Variants in HMCN2 observed in about 807,000 individuals in gnomAD.
HMCN2 encodes hemicentin-2.
HMCN2 carries 325 observed loss-of-function variants against 377.5 expected under a neutral mutation model. That is an observed-to-expected ratio of 0.86 (90% CI 0.79 to 0.94). The LOEUF (loss-of-function observed/expected upper bound fraction) is 0.94, where lower values mean the gene tolerates loss of function less well. HMCN2 is among the 40% of genes least tolerant of loss of function. The pLI is 0.00. For synonymous variants in HMCN2, 2,007 were observed against 2,046.8 expected (o/e 0.98, Z 0.53); for missense variants, 4,543 against 4,725.3 (o/e 0.96, Z 1.13).
intron 66 of HMCN2, among the ~76,000 whole-genome samples, chr9:130,392,791 TCA>T (rs1842391784): frequency 6.6e-6 from 1 of 151,990 alleles, no homozygotes; most frequent in Non-Finnish European, 1.5e-5. Flanking sequence ...GGTCAGGAGA[TCA>T]AGACCATCCT....
chr9:130,302,924 C>T lies in HMCN2; in HGVS notation c.1344C>T (p.Cys448=), dbSNP rs1554935058. The T allele has an allele frequency of 2.1e-6, 1 of 471,008 alleles. No homozygotes were observed. The highest frequency in any genetic ancestry group is 4.4e-6 in the Non-Finnish European group (1 of 226,914). 29.2% of individuals were successfully genotyped at this position (471,008 alleles called of 1,614,324 possible). Residue 448 remains cysteine (C), a synonymous_variant, in exon 9 of 98, where the codon TGC becomes TGT. Transcript: ENST00000683500. Reference sequence around the variant, plus strand: ...TGCACCAGCCCCTGCTGGTCTCCTGCTCGGTGCACAGTGCCCTTCCCTTCC... The same window carrying T: ...TGCACCAGCCCCTGCTGGTCTCCTGTTCGGTGCACAGTGCCCTTCCCTTCC... ...GYLHQPLLVS[C]SVHSALPFRL... is the part of the protein sequence containing the mutation.
chr9:130,327,580 C>T (rs1838208932), intron 22 of HMCN2, 105 bp downstream of exon 22: 1 of 152,188 alleles, frequency 6.6e-6, no homozygotes, highest in Non-Finnish European at 1.5e-5. Context: ...GCAGTCTCTC[C>T]CATAGGGTGC....
chr9:130,422,461 G>C lies in HMCN2; in HGVS notation c.13232-116G>C, dbSNP rs1434576744. On this transcript the variant is annotated intron_variant, in intron 86 of 97. Coordinates refer to ENST00000683500, the MANE Select transcript of HMCN2 (RefSeq NM_001291815.2). The surrounding 1 kb of genome is among the most constrained non-coding windows in gnomAD (Gnocchi z 4.2). ...AGCTGTGTGTCCTTGGACAAGTGGAGGTGAACTCTCCGAGCCTCCATTTAC... is the reference window on the plus strand; with the variant it reads ...AGCTGTGTGTCCTTGGACAAGTGGACGTGAACTCTCCGAGCCTCCATTTAC... 1.4e-5 allele frequency: 10 copies of C among 735,110 alleles called. No individual in the cohort carries two copies. The highest frequency in any genetic ancestry group is 1.9e-5 in the Non-Finnish European group (10 of 528,606). The allele number at this position is 735,110 out of a possible 1,614,324, so 45.5% of individuals were successfully genotyped here. A position where few individuals can be genotyped will look rare whatever the true frequency, so the allele number is the denominator to read the frequency against.
chr9:130,299,511 C>G (rs1447928564), intron 8 of HMCN2, among the ~76,000 whole-genome samples: 1 of 147,462 alleles, frequency 6.8e-6, no homozygotes, highest in Non-Finnish European at 1.5e-5. Flanking sequence ...AGTCAACTAT[C>G]CATTCATCCA....
chr9:130,306,905 A>G lies in HMCN2; in HGVS notation c.2053A>G (p.Thr685Ala), dbSNP rs1588212875. The change falls in exon 13 of 98, where the codon ACT becomes GCT. Residue 685 changes from threonine (T) to alanine (A), a missense_variant. Physicochemically the swap from Thr to Ala is moderately conservative, Grantham distance 58 (BLOSUM62 0). Coordinates refer to ENST00000683500, the MANE Select transcript of HMCN2 (RefSeq NM_001291815.2). ...YSCQATNEVG[T>A]DQETVTLYYT... ...CTGCCAGGCGACTAATGAGGTTGGCACTGACCAGGAGACGGTCACCCTCTA... is the reference window on the plus strand; with the variant it reads ...CTGCCAGGCGACTAATGAGGTTGGCGCTGACCAGGAGACGGTCACCCTCTA... 2.1e-6 allele frequency: 1 copy of G among 470,936 alleles called. No homozygotes were observed. Among genetic ancestry groups the G allele is most frequent in the Non-Finnish European group, 4.4e-6 (1 of 226,956 alleles). 29.2% of individuals were successfully genotyped at this position (470,936 alleles called of 1,614,324 possible). A position where few individuals can be genotyped will look rare whatever the true frequency, so the allele number is the denominator to read the frequency against.
Position 130,265,940 on chromosome 9 carries a change from C to T in HMCN2, c.62C>T (p.Ala21Val). Residue 21 changes from alanine (A) to valine (V), a missense_variant, in exon 1 of 98, where the codon GCA (alanine) becomes GTA (valine). Ala to Val is a moderately conservative substitution (Grantham distance 64). Transcript: ENST00000683500. ...LTAVSAAVAV[A>V]VAGAPGTVMP... ...GCGGTCTCTGCGGCAGTGGCAGTGG[C>T]AGTGGCCGGGGCGCCCGGGACGGTA... is the stretch of plus-strand genomic sequence containing the variant. 1 of 441,698 alleles carries T rather than the reference C, an allele frequency of 2.3e-6. No individual in the cohort carries two copies. The highest frequency in any genetic ancestry group is 4.7e-6 in the Non-Finnish European group (1 of 214,608). The allele number at this position is 441,698 out of a possible 1,614,324, so 27.4% of individuals were successfully genotyped here. A position where few individuals can be genotyped will look rare whatever the true frequency, so the allele number is the denominator to read the frequency against.
chr9:130,277,868 T>C (rs1464562877), intron 1 of HMCN2, among the ~76,000 whole-genome samples: 2 of 20,940 alleles, frequency 9.6e-5, no homozygotes, highest in African/African-American at 2.2e-4. Flanking sequence ...ACCATCATCA[T>C]CATCACCACC....
Position 130,430,546 on chromosome 9 carries a change from C to T in HMCN2, c.14589C>T (p.Ser4863=), listed in dbSNP as rs1319229519. ...VSLRPGPMAL[S]SVGRAWCPPG... ...TCCGTCCGGGTCCCATGGCCCTGAGCAGTGTGGGCCGGGCCTGGTGCCCTC... is the reference window on the plus strand; with the variant it reads ...TCCGTCCGGGTCCCATGGCCCTGAGTAGTGTGGGCCGGGCCTGGTGCCCTC... The change falls in exon 95 of 98, where the codon AGC becomes AGT. Residue 4863 remains serine (S), a synonymous_variant. Transcript: ENST00000683500. The T allele has an allele frequency of 7.7e-6, 12 of 1,550,438 alleles. No individual in the cohort carries two copies. In the Admixed American group the frequency reaches 1.2e-4, roughly 15 times the overall value.
intron 25 of HMCN2, among the ~76,000 whole-genome samples, chr9:130,345,791 T>C (rs1839362978): frequency 6.6e-6 from 1 of 151,854 alleles, no homozygotes; most frequent in Non-Finnish European, 1.5e-5. Flanking sequence ...TGGGTGGACA[T>C]GGAGCAGGGC....
intron 85 of HMCN2, among the ~76,000 whole-genome samples, chr9:130,411,266 C>T (rs1207510262): frequency 1.3e-5 from 2 of 151,162 alleles, no homozygotes; most frequent in Non-Finnish European, 2.9e-5. Context: ...CCATAAAATT[C>T]ACCCGTTCAT....
At chr9:130,316,601 A>T (rs1201083068) in intron 15 of HMCN2, among the ~76,000 whole-genome samples, 1 of 152,142 alleles carries the variant, frequency 6.6e-6, no homozygotes, top group African/African-American at 2.4e-5. Context: ...AGCTGACAAG[A>T]GGCTCCTCCA....
Position 130,369,657 on chromosome 9 carries a change from C to T in HMCN2, c.6875C>T (p.Thr2292Ile). 1.0e-6 allele frequency: 1 copy of T among 985,936 alleles called. No homozygotes were observed. 61.1% of individuals were successfully genotyped at this position (985,936 alleles called of 1,614,324 possible). The change falls in exon 45 of 98, where the codon ACA (threonine) becomes ATA (isoleucine). Residue 2292 changes from threonine (T) to isoleucine (I), a missense_variant. Transcript: ENST00000683500. The surrounding 1 kb of genome is among the most constrained non-coding windows in gnomAD (Gnocchi z 4.5). Reference sequence around the variant, plus strand: ...GTGGCCACTCTGGAGTGCAACGCCACAGGGAAACCCCCTCCGACAGTGACA... The same window carrying T: ...GTGGCCACTCTGGAGTGCAACGCCATAGGGAAACCCCCTCCGACAGTGACA... ...DGVATLECNA[T>I]GKPPPTVTWE...
chr9:130,411,944 A>T lies in HMCN2; in HGVS notation c.12961+1292A>T, dbSNP rs559413247. Among the ~76,000 whole-genome samples the T allele has an allele frequency of 4.9e-5, 5 of 102,120 alleles. No individual in the cohort carries two copies. In the South Asian group the frequency reaches 2.1e-3, roughly 42 times the overall value. The allele number at this position is 102,120 out of a possible 152,430, so 67.0% of individuals were successfully genotyped here. Reference sequence around the variant, plus strand: ...TACAAATGGTTCAATGATAAATTTTATGTAATGTATTTTTTTTACAACTAT... The same window carrying T: ...TACAAATGGTTCAATGATAAATTTTTTGTAATGTATTTTTTTTACAACTAT... On this transcript the variant is annotated intron_variant, in intron 85 of 97. Coordinates refer to ENST00000683500, the MANE Select transcript of HMCN2 (RefSeq NM_001291815.2).
rs148547179 is a variant in HMCN2 at position 130,354,897 on chromosome 9, G to A, written c.4999G>A (p.Val1667Met). Reference protein sequence around the residue: ...TLSWHHEGLPVAESNESRLET... With the variant: ...TLSWHHEGLPMAESNESRLET... ...CTCCTGGCACCACGAGGGGCTGCCC[G>A]TGGCAGAGAGCAACGAGTCGCGGCT... Residue 1667 changes from valine (V) to methionine (M), a missense_variant, in exon 32 of 98, where the codon GTG (valine) becomes ATG (methionine). Coordinates refer to ENST00000683500, the MANE Select transcript of HMCN2 (RefSeq NM_001291815.2). 121 of 1,304,240 alleles carry A rather than the reference G, an allele frequency of 9.3e-5. 1 individual carries two copies. The highest frequency in any genetic ancestry group is 6.4e-4 in the Middle Eastern group (3 of 4,690). The allele number at this position is 1,304,240 out of a possible 1,614,324, so 80.8% of individuals were successfully genotyped here.
chr9:130,385,316 G>A (rs956066305), intron 59 of HMCN2, among the ~76,000 whole-genome samples: 3 of 152,082 alleles, frequency 2.0e-5, no homozygotes, highest in Non-Finnish European at 4.4e-5. Flanking sequence ...GGGGGCGGGC[G>A]ACAGCATCTC....
At chr9:130,348,388 T>C in intron 26 of HMCN2, 157 bp from the exon 27 acceptor site, 2 of 961,454 alleles carry the variant, frequency 2.1e-6, no homozygotes, top group Non-Finnish European at 2.5e-6. Flanking sequence ...TGCGGCCATC[T>C]GCAGGTCCAC....
At position 130,422,495 on chromosome 9, in the gene HMCN2, G is replaced by A. The variant is rs1018684570; in HGVS notation, c.13232-82G>A. ...TCCGAGCCTCCATTTACTCCTTCAC[G>A]AAATGGGAATGACAGCCTGCTTGTG... On this transcript the variant is annotated intron_variant, in intron 86 of 97. Coordinates refer to ENST00000683500, the MANE Select transcript of HMCN2 (RefSeq NM_001291815.2). The surrounding 1 kb of genome is among the most constrained non-coding windows in gnomAD (Gnocchi z 4.2). The A allele has an allele frequency of 9.0e-5, 103 of 1,138,778 alleles. No individual in the cohort carries two copies. Among genetic ancestry groups the A allele is most frequent in the Non-Finnish European group, 1.1e-4 (100 of 888,384 alleles). The allele number at this position is 1,138,778 out of a possible 1,614,324, so 70.5% of individuals were successfully genotyped here.
intron 22 of HMCN2, among the ~76,000 whole-genome samples, chr9:130,334,448 A>G (rs1239097042): frequency 6.6e-6 from 1 of 151,232 alleles, no homozygotes; most frequent in African/African-American, 2.4e-5. Flanking sequence ...TTCCTTGGTG[A>G]TGTAGCAAGC....
In HMCN2 at chr9:130,402,834, A is replaced by G. The variant is rs1243457101; in HGVS notation, c.11816A>G (p.Tyr3939Cys). ...GCCCTCCCCATCCACGCAGGCCGCT[A>G]CACCTGCTCAGCCCGCAACTCTGCC... is the stretch of plus-strand genomic sequence containing the variant. ...GQALPIHAGR[Y>C]TCSARNSAGV... The change falls in exon 78 of 98, where the codon TAC becomes TGC. Residue 3939 changes from tyrosine (Y) to cysteine (C), a missense_variant. Tyr to Cys is a radical substitution (Grantham distance 194, BLOSUM62 -2). This residue lies in a region of HMCN2 where 1,073 missense variants were observed against 1,319.5 expected (regional missense o/e 0.81). Coordinates refer to ENST00000683500, the MANE Select transcript of HMCN2 (RefSeq NM_001291815.2). 7.8e-7 allele frequency: 1 copy of G among 1,289,688 alleles called. No homozygotes were observed. Among genetic ancestry groups the G allele is most frequent in the Non-Finnish European group, 1.0e-6 (1 of 988,834 alleles). The allele number at this position is 1,289,688 out of a possible 1,614,324, so 79.9% of individuals were successfully genotyped here. A position where few individuals can be genotyped will look rare whatever the true frequency, so the allele number is the denominator to read the frequency against.
Sources: allele counts gnomAD v4.1 joint callset (sites outside exome capture counted in the v4.1 genomes callset), GRCh38; gene constraint gnomAD v4.1.1; regional missense constraint gnomAD v4.1.1; non-coding constraint Gnocchi (gnomAD v3.1); transcripts MANE v1.5; gene names NCBI Gene and HGNC (gene_info 2026-07-23, HGNC 2026-07-21).